SMC3: variants seen among roughly 807,000 people sequenced by gnomAD.
SMC3 encodes the protein structural maintenance of chromosomes protein 3.
Under a neutral mutation model 171.8 loss-of-function variants are expected in SMC3, and 20 were observed. The ratio of observed to expected loss-of-function variants is 0.12; its 90% CI spans 0.08 to 0.17. The LOEUF is 0.17. SMC3 is among the 10% of genes least tolerant of loss of function. SMC3 has a pLI of 1.00. For synonymous variants in SMC3, 464 were observed against 451.1 expected, an observed-to-expected ratio of 1.03 and a Z score of -0.36; for missense variants, 543 against 1,420.4, an observed-to-expected ratio of 0.38 and a Z score of 9.93.
chr10:110,567,978 C>T, intron 1 of SMC3, 147 bp downstream of exon 1: 3 of 999,438 alleles, frequency 3.0e-6, no homozygotes, highest in South Asian at 1.5e-5. Flanking sequence ...GGAGGGAGAC[C>T]CGGGTCCCGC....
At chr10:110,587,419 C>T (rs768980869) in intron 13 of SMC3, among the ~76,000 whole-genome samples, 1 of 152,156 alleles carries the variant, frequency 6.6e-6, no homozygotes, top group Admixed American at 6.5e-5. Flanking sequence ...CAGTGGCTTA[C>T]GCCTGTAATC....
chr10:110,569,206 A>G (rs1259576009), intron 2 of SMC3, among the ~76,000 whole-genome samples, 193 bp downstream of exon 2: 1 of 151,568 alleles, frequency 6.6e-6, no homozygotes, highest in East Asian at 1.9e-4. Flanking sequence ...TGTTTGGATA[A>G]GACACTCATA....
At chr10:110,572,204 C>T (rs1860882741) in intron 2 of SMC3, among the ~76,000 whole-genome samples, 1 of 152,178 alleles carries the variant, frequency 6.6e-6, no homozygotes. Context: ...AAGTTATTTA[C>T]ACCATGGTCC....
intron 11 of SMC3, 35 bp downstream of exon 11, chr10:110,583,583 G>T (rs1861063656): frequency 6.2e-7 from 1 of 1,600,786 alleles, no homozygotes; most frequent in Non-Finnish European, 8.6e-7. Flanking sequence ...AGATGTGAAT[G>T]TTCAGGTGAG....
chr10:110,584,439 G>C (rs201177636), intron 13 of SMC3, 43 bp downstream of exon 13: 1 of 1,401,486 alleles, frequency 7.1e-7, no homozygotes, highest in Non-Finnish European at 1.0e-6. Flanking sequence ...TTTCAGAAGA[G>C]ATAAATGTGT....
At chr10:110,581,051 T>C in intron 8 of SMC3, 30 bp downstream of exon 8, 1 of 1,265,126 alleles carries the variant, frequency 7.9e-7, no homozygotes, top group Non-Finnish European at 1.2e-6. Context: ...GCCTTATTTT[T>C]TTGTTGCAAA....
At chr10:110,578,802 G>A in intron 7 of SMC3, 96 bp downstream of exon 7, 1 of 875,954 alleles carries the variant, frequency 1.1e-6, no homozygotes, top group Non-Finnish European at 1.9e-6. Flanking sequence ...TTAAGCTGAA[G>A]CAAAAATGGC....
intron 16 of SMC3, 79 bp downstream of exon 16, chr10:110,590,651 C>A: frequency 8.2e-7 from 1 of 1,212,502 alleles, no homozygotes; most frequent in Non-Finnish European, 1.2e-6. Flanking sequence ...AGTTTTTGTA[C>A]AACATATCTT....
At chr10:110,585,290 A>ATTTTT (rs111694406) in intron 13 of SMC3, among the ~76,000 whole-genome samples, 1 of 123,646 alleles carries the variant, frequency 8.1e-6, no homozygotes, top group Non-Finnish European at 1.7e-5. Context: ...GATAGTAACA[A>ATTTTT]TTTTTTTTTT....
rs1861395261 is a variant in SMC3, at chr10:110,602,016, T to C, written c.2943T>C (p.His981=). The C allele has an allele frequency of 6.2e-7, 1 of 1,613,704 alleles. No homozygotes were observed. Among genetic ancestry groups the C allele is most frequent in the African/African-American group, 1.3e-5 (1 of 74,924 alleles). ...ACACAGAATTAAAGAAGTACAGCCA[T>C]GTTAACAAAAAGGCTTTGGATCAGT... ...QCNTELKKYS[H]VNKKALDQFV... The change falls in exon 25 of 29, where the codon CAT becomes CAC. Residue 981 remains histidine (H), a synonymous_variant. Coordinates refer to ENST00000361804, the MANE Select transcript of SMC3 (RefSeq NM_005445.4).
chr10:110,592,711 G>T (rs887057102), intron 17 of SMC3, among the ~76,000 whole-genome samples: 6 of 152,188 alleles, frequency 3.9e-5, no homozygotes, highest in Non-Finnish European at 8.8e-5. Context: ...TATAAGGAAG[G>T]TATGTATTGT....
chr10:110,604,694 G>A lies in SMC3; in HGVS notation c.*392G>A, dbSNP rs1299977641. 5.0e-6 allele frequency: 1 copy of A among 199,478 alleles called. No individual in the cohort carries two copies. Among genetic ancestry groups the A allele is most frequent in the Non-Finnish European group, 1.0e-5 (1 of 97,622 alleles). The allele number at this position is 199,478 out of a possible 1,614,324, so 12.4% of individuals were successfully genotyped here. ...TCTCTTCCAGTGAGAACACTAATCA[G>A]ATTGGATGTAAGGCCTCATTTTAAC... On this transcript the variant is annotated 3_prime_UTR_variant, in exon 29 of 29. Transcript: ENST00000361804.
rs1295711282 is a variant in SMC3, at chr10:110,599,712, C to T, written c.2327C>T (p.Ser776Leu). The change falls in exon 21 of 29, where the codon TCA (serine) becomes TTA (leucine). Residue 776 changes from serine to leucine, a missense_variant. By Grantham distance (145) the Ser-to-Leu change is moderately radical (BLOSUM62 -2). This residue lies in a region of SMC3 where 218 missense variants were observed against 509.6 expected (regional missense o/e 0.43). Coordinates refer to ENST00000361804, the MANE Select transcript of SMC3 (RefSeq NM_005445.4). Reference protein sequence around the residue: ...SLHAMESTRESLKAELGTDLL... With the variant: ...SLHAMESTRELLKAELGTDLL... ...CATGCTATGGAGTCTACCAGAGAGTCATTGAAAGCAGAACTGGGAACTGAT... is the reference window on the plus strand; with the variant it reads ...CATGCTATGGAGTCTACCAGAGAGTTATTGAAAGCAGAACTGGGAACTGAT... 6.2e-7 allele frequency: 1 copy of T among 1,614,056 alleles called. No homozygotes were observed. Among genetic ancestry groups the T allele is most frequent in the Non-Finnish European group, 8.5e-7 (1 of 1,179,960 alleles).
chr10:110,573,533 T>G lies in SMC3; in HGVS notation c.92-174T>G, dbSNP rs558705896. On this transcript the variant is annotated intron_variant, in intron 2 of 28. Transcript: ENST00000361804. ...TTAGAAGTCTGTACAAAAATTGAAT[T>G]TATTTGGTGATTATAGTTGTTTTAT... Among the ~76,000 whole-genome samples the G allele has an allele frequency of 2.0e-5, 3 of 148,092 alleles. 1 individual carries two copies. The highest frequency in any genetic ancestry group is 4.4e-4 in the South Asian group (2 of 4,558).
chr10:110,574,126 A>G (rs1860913007), intron 3 of SMC3, among the ~76,000 whole-genome samples: 1 of 152,242 alleles, frequency 6.6e-6, no homozygotes, highest in South Asian at 2.1e-4. Flanking sequence ...AAACGTATGT[A>G]AATGCAGTAG....
At chr10:110,589,420 AC>A (rs2134735353) in intron 13 of SMC3, among the ~76,000 whole-genome samples, 184 bp from the exon 14 acceptor site, 1 of 152,256 alleles carries the variant, frequency 6.6e-6, no homozygotes, top group East Asian at 1.9e-4. Flanking sequence ...CACAGTTAAG[AC>A]ACCACACACC....
chr10:110,570,591 T>C (rs989104445), intron 2 of SMC3, among the ~76,000 whole-genome samples: 3 of 152,198 alleles, frequency 2.0e-5, no homozygotes, highest in Non-Finnish European at 4.4e-5. Context: ...ATAAGAATTA[T>C]TAGATTTCTG....
Position 110,600,347 on chromosome 10 carries a change from A to G in SMC3, c.2428-92A>G, listed in dbSNP as rs3737292. 0.14 allele frequency: 101,457 copies of G among 749,804 alleles called. 8,300 individuals carry two copies. Among genetic ancestry groups the G allele is most frequent in the East Asian group, 0.3 (12,129 of 40,820 alleles). The allele number at this position is 749,804 out of a possible 1,614,324, so 46.4% of individuals were successfully genotyped here. A position where few individuals can be genotyped will look rare whatever the true frequency, so the allele number is the denominator to read the frequency against. ...CATATTAAACTTCATTTCAGCTCAC[A>G]TGAGCACAAGTACTAGAGAGGACAG... On this transcript the variant is annotated intron_variant, in intron 21 of 28. Coordinates refer to ENST00000361804, the MANE Select transcript of SMC3 (RefSeq NM_005445.4).
rs547177052 is a variant in SMC3 at position 110,580,258 on chromosome 10, C to T, written c.430-646C>T. On this transcript the variant is annotated intron_variant, in intron 7 of 28. Coordinates refer to ENST00000361804, the MANE Select transcript of SMC3 (RefSeq NM_005445.4). Reference sequence around the variant, plus strand: ...CTGCAGGGGGTCCTAGAACCAATCCCCATGGAAACTGAGGAAGAATTGACT... The same window carrying T: ...CTGCAGGGGGTCCTAGAACCAATCCTCATGGAAACTGAGGAAGAATTGACT... Among the ~76,000 whole-genome samples, 25 of 152,066 alleles carry T rather than the reference C, an allele frequency of 1.6e-4. No individual in the cohort carries two copies. In the South Asian group the frequency reaches 4.8e-3, roughly 29 times the overall value.
Sources: gnomAD v4.1 joint callset for allele counts (sites outside exome capture counted in the v4.1 genomes callset) on GRCh38, gnomAD v4.1.1 for gene constraint, gnomAD v4.1.1 regional missense constraint, MANE v1.5 for transcripts, NCBI Gene and HGNC (gene_info 2026-07-23, HGNC 2026-07-21) for gene names.